The following DLG2 variants were observed in gnomAD, a reference collection of about 807,000 sequenced individuals.
DLG2 encodes the protein discs large MAGUK scaffold protein 2.
In DLG2, 45 loss-of-function variants were observed where a neutral mutation model predicts 132.5. That is an observed-to-expected ratio of 0.34 (90% confidence interval 0.27 to 0.44). The LOEUF (loss-of-function observed/expected upper bound fraction) is 0.44. Among genes scored for constraint, DLG2 ranks in the 20% least tolerant of loss-of-function variants. The pLI is 1.00. For synonymous variants in DLG2, 424 were observed against 419.6 expected (o/e 1.01, Z -0.13); for missense variants, 1,045 against 1,196.9 (o/e 0.87, Z 1.87).
chr11:84,907,043 G>C (rs1252274219), intron 6 of DLG2, among the ~76,000 whole-genome samples: 1 of 152,134 alleles, frequency 6.6e-6, no homozygotes, highest in Non-Finnish European at 1.5e-5. Context: ...AAACCCAAAA[G>C]GAATGAAAGC....
intron 10 of DLG2, among the ~76,000 whole-genome samples, chr11:84,089,862 T>C (rs1268784730): frequency 6.6e-6 from 1 of 152,228 alleles, no homozygotes; most frequent in Non-Finnish European, 1.5e-5. Flanking sequence ...GCTTTTGTGC[T>C]GTGGATGCCT....
intron 6 of DLG2, among the ~76,000 whole-genome samples, chr11:84,665,031 C>T (rs900799953): frequency 6.6e-6 from 1 of 151,904 alleles, no homozygotes; most frequent in Non-Finnish European, 1.5e-5. Flanking sequence ...TTATGTGCTG[C>T]CATGAGAATC....
chr11:83,483,343 C>T, intron 22 of DLG2: 3 of 1,499,242 alleles, frequency 2.0e-6, no homozygotes, highest in Non-Finnish European at 2.8e-6. Flanking sequence ...GGAAGAACAG[C>T]CACGGAAGAG....
chr11:84,804,922 T>C (rs547273602), intron 6 of DLG2, among the ~76,000 whole-genome samples: 72 of 152,208 alleles, frequency 4.7e-4, no homozygotes, highest in Admixed American at 1.1e-3. Context: ...CCCTCCAACA[T>C]TGTAACCGTG....
At chr11:84,777,739 C>T (rs2153901129) in intron 6 of DLG2, among the ~76,000 whole-genome samples, 1 of 151,494 alleles carries the variant, frequency 6.6e-6, no homozygotes, top group Admixed American at 6.6e-5. Context: ...TTTCATATAC[C>T]AGTTGTATGT....
intron 4 of DLG2, among the ~76,000 whole-genome samples, chr11:85,179,181 C>T (rs1287468960): frequency 6.6e-6 from 1 of 151,802 alleles, no homozygotes; most frequent in Non-Finnish European, 1.5e-5. Flanking sequence ...AACATATGCT[C>T]ACAGTGCCAT....
At chr11:84,772,830 T>A (rs2069666794) in intron 6 of DLG2, among the ~76,000 whole-genome samples, 2 of 152,096 alleles carry the variant, frequency 1.3e-5, no homozygotes, top group Non-Finnish European at 2.9e-5. Flanking sequence ...ACTAAAGTCC[T>A]ACATCAAATA....
chr11:84,676,266 A>G (rs1277969814), intron 6 of DLG2, among the ~76,000 whole-genome samples: 1 of 152,126 alleles, frequency 6.6e-6, no homozygotes, highest in East Asian at 1.9e-4. Context: ...AGAATACTTC[A>G]GATAGAAAGT....
chr11:84,752,352 G>A (rs183685581), intron 6 of DLG2, among the ~76,000 whole-genome samples: 104 of 152,284 alleles, frequency 6.8e-4, no homozygotes, highest in African/African-American at 2.3e-3. Flanking sequence ...GCCAAACTAT[G>A]AAGCTGTAAC....
intron 7 of DLG2, among the ~76,000 whole-genome samples, chr11:84,338,883 A>G (rs544089665): frequency 2.0e-5 from 3 of 152,310 alleles, no homozygotes; most frequent in Non-Finnish European, 4.4e-5. Context: ...TAAATAATAC[A>G]TGATAATCCT....
intron 19 of DLG2, among the ~76,000 whole-genome samples, chr11:83,563,126 C>T (rs1376619081): frequency 1.3e-5 from 2 of 151,848 alleles, no homozygotes; most frequent in Admixed American, 1.3e-4. Context: ...AGGTGCCTGC[C>T]ACCACGCCCA....
At chr11:84,400,954 C>T (rs900431720) in intron 7 of DLG2, among the ~76,000 whole-genome samples, 3 of 151,708 alleles carry the variant, frequency 2.0e-5, no homozygotes, top group African/African-American at 4.8e-5. Context: ...CACCAACTTC[C>T]TCCTCCTCCT....
intron 19 of DLG2, among the ~76,000 whole-genome samples, chr11:83,590,324 G>A (rs2097166076): frequency 6.6e-6 from 1 of 152,174 alleles, no homozygotes; most frequent in Non-Finnish European, 1.5e-5. Context: ...CTAGAACTCA[G>A]GATGAAGAAT....
intron 11 of DLG2, among the ~76,000 whole-genome samples, chr11:83,981,056 T>C (rs952438846): frequency 7.2e-5 from 11 of 152,190 alleles, no homozygotes; most frequent in African/African-American, 2.7e-4. Flanking sequence ...TACTCTAGCA[T>C]AGAGAACAGA....
chr11:83,675,957 A>G (rs890716294), intron 18 of DLG2, among the ~76,000 whole-genome samples: 5 of 152,130 alleles, frequency 3.3e-5, no homozygotes, highest in Non-Finnish European at 7.4e-5. Flanking sequence ...AGACATTTGT[A>G]CATTATGTAT....
At chr11:85,504,439 A>T (rs1385136953) in intron 3 of DLG2, among the ~76,000 whole-genome samples, 1 of 152,224 alleles carries the variant, frequency 6.6e-6, no homozygotes, top group Non-Finnish European at 1.5e-5. Flanking sequence ...ATGGCTAGCC[A>T]GTTTTCCCAG....
chr11:84,230,394 A>G (rs1415294331), intron 8 of DLG2, among the ~76,000 whole-genome samples: 3 of 152,198 alleles, frequency 2.0e-5, no homozygotes, highest in Admixed American at 6.5e-5. Context: ...GTTTGCTGCT[A>G]TATCTCAGCA....
At chr11:84,142,305 G>C (rs1283541269) in intron 9 of DLG2, among the ~76,000 whole-genome samples, 2 of 119,848 alleles carry the variant, frequency 1.7e-5, no homozygotes, top group African/African-American at 6.6e-5. Context: ...TGGAGACAGA[G>C]TGAGAATCCA....
chr11:83,827,484 C>A (rs2053206469), intron 17 of DLG2, among the ~76,000 whole-genome samples: 1 of 152,082 alleles, frequency 6.6e-6, no homozygotes. Flanking sequence ...TTTGGAAATC[C>A]AGTTACCTAT....
Sources: allele counts gnomAD v4.1 joint callset (sites outside exome capture counted in the v4.1 genomes callset), GRCh38; gene constraint gnomAD v4.1.1; transcripts MANE v1.5; gene names NCBI Gene and HGNC (gene_info 2026-07-23, HGNC 2026-07-21).